Variants in H2AC13 observed in about 807,000 individuals in gnomAD.
H2AC13 encodes H2A clustered histone 13.
H2AC13 carries 3 observed loss-of-function variants against 5.9 expected under a neutral mutation model. The ratio of observed to expected loss-of-function variants is 0.50; its 90% CI spans 0.23 to 1.30. The LOEUF is 1.30. Among genes scored for constraint, H2AC13 ranks in the 50% most tolerant of loss-of-function variants. The pLI, the probability that H2AC13 is intolerant of heterozygous loss-of-function variation, is 0.18. For missense variants in H2AC13, 123 were observed against 179.1 expected, an observed-to-expected ratio of 0.69 and a Z score of 1.79; for synonymous variants, 96 against 82.4, an observed-to-expected ratio of 1.17 and a Z score of -0.90.
At position 27,808,274 on chromosome 6, in the gene H2AC13, C is replaced by T. The variant is rs772130371; in HGVS notation, c.65C>T (p.Ala22Val). Reference sequence around the variant, plus strand: ...AAGGCCAAGACCCGCTCTTCTCGGGCCGGGCTTCAGTTTCCCGTAGGCCGA... The same window carrying T: ...AAGGCCAAGACCCGCTCTTCTCGGGTCGGGCTTCAGTTTCCCGTAGGCCGA... ...RAKAKTRSSR[A>V]GLQFPVGRVH... is the part of the protein sequence containing the mutation. Residue 22 changes from alanine to valine, a missense_variant, in exon 1 of 1, where the codon GCC (alanine) becomes GTC (valine). Around this residue, in one of 3 missense-constraint regions of H2AC13, gnomAD observed 72 missense variants for 134.3 expected, o/e 0.54. Coordinates refer to ENST00000358739, the MANE Select transcript of H2AC13 (RefSeq NM_003509.3). 6.4e-7 allele frequency: 1 copy of T among 1,562,686 alleles called. No homozygotes were observed. The highest frequency in any genetic ancestry group is 1.4e-5 in the African/African-American group (1 of 73,242).
rs745528010 is a variant in H2AC13 at position 27,808,632 on chromosome 6, C to A, written c.*30C>A. On this transcript the variant is annotated 3_prime_UTR_variant, in exon 1 of 1. Transcript: ENST00000358739. ...CTGGATTAGTTTGCAGCAACTCAAT[C>A]CCAAAGGAACCAAAGGCTCTTTTCA... 1 of 1,590,212 alleles carries A rather than the reference C, an allele frequency of 6.3e-7. No individual in the cohort carries two copies. The highest frequency in any genetic ancestry group is 2.2e-5 in the East Asian group (1 of 44,660).
At position 27,808,362 on chromosome 6, in the gene H2AC13, C is replaced by T. The variant is rs776814914; in HGVS notation, c.153C>T (p.Tyr51=). Residue 51 remains tyrosine (Y), a synonymous_variant, in exon 1 of 1, where the codon TAC becomes TAT. Transcript: ENST00000358739. The part of the protein sequence containing the change: ...AERVGAGAPV[Y]LAAVLEYLTA... ...GGGTCGGTGCTGGAGCGCCGGTGTA[C>T]CTGGCGGCGGTGCTGGAGTACCTGA... 1.9e-6 allele frequency: 3 copies of T among 1,600,376 alleles called. No homozygotes were observed. The highest frequency in any genetic ancestry group is 2.2e-5 in the South Asian group (2 of 89,752).
Position 27,808,363 on chromosome 6 carries a change from C to T in H2AC13, c.154C>T (p.Leu52=). Reference sequence around the variant, plus strand: ...GGTCGGTGCTGGAGCGCCGGTGTACCTGGCGGCGGTGCTGGAGTACCTGAC... The same window carrying T: ...GGTCGGTGCTGGAGCGCCGGTGTACTTGGCGGCGGTGCTGGAGTACCTGAC... ...ERVGAGAPVY[L]AAVLEYLTAE... The change falls in exon 1 of 1, where the codon CTG becomes TTG. Residue 52 remains leucine, a synonymous_variant. Transcript: ENST00000358739. The T allele has an allele frequency of 1.9e-6, 3 of 1,600,656 alleles. No individual in the cohort carries two copies. The highest frequency in any genetic ancestry group is 2.2e-5 in the East Asian group (1 of 44,670).
chr6:27,808,656 C>A lies in H2AC13; in HGVS notation c.*54C>A. On this transcript the variant is annotated 3_prime_UTR_variant, in exon 1 of 1. Coordinates refer to ENST00000358739, the MANE Select transcript of H2AC13 (RefSeq NM_003509.3). Reference sequence around the variant, plus strand: ...TCCCAAAGGAACCAAAGGCTCTTTTCAGAGCCACCTACAATTTTGTGGAAG... The same window carrying A: ...TCCCAAAGGAACCAAAGGCTCTTTTAAGAGCCACCTACAATTTTGTGGAAG... The A allele has an allele frequency of 6.4e-7, 1 of 1,559,716 alleles. No homozygotes were observed. The highest frequency in any genetic ancestry group is 8.7e-7 in the Non-Finnish European group (1 of 1,154,944).
Position 27,808,658 on chromosome 6 carries a change from G to GAGA in H2AC13, c.*58_*59insAAG. ...CCAAAGGAACCAAAGGCTCTTTTCA[G>GAGA]AGCCACCTACAATTTTGTGGAAGAA... is the stretch of plus-strand genomic sequence containing the variant. On this transcript the variant is annotated 3_prime_UTR_variant, in exon 1 of 1. Transcript: ENST00000358739. 1.3e-6 allele frequency: 2 copies of GAGA among 1,559,168 alleles called. No individual in the cohort carries two copies. The highest frequency in any genetic ancestry group is 1.7e-6 in the Non-Finnish European group (2 of 1,155,050).
chr6:27,808,457 A>C lies in H2AC13; in HGVS notation c.248A>C (p.His83Pro), dbSNP rs1581456838. 1 of 1,613,232 alleles carries C rather than the reference A, an allele frequency of 6.2e-7. No homozygotes were observed. Among genetic ancestry groups the C allele is most frequent in the Non-Finnish European group, 8.5e-7 (1 of 1,179,398 alleles). ...DNKKTRIIPR[H>P]LQLAIRNDEE... ...AAGAAGACTCGCATCATCCCGCGTC[A>C]CCTCCAGCTGGCCATCCGCAACGAT... is the stretch of plus-strand genomic sequence containing the variant. Residue 83 changes from histidine (H) to proline (P), a missense_variant, in exon 1 of 1, where the codon CAC becomes CCC. Transcript: ENST00000358739.
rs1273171098 is a variant in H2AC13 at position 27,808,221 on chromosome 6, TG to T, written c.14del (p.Gly5AlafsTer24). The T allele has an allele frequency of 1.3e-6, 2 of 1,583,350 alleles. No homozygotes were observed. Among genetic ancestry groups the T allele is most frequent in the Non-Finnish European group, 1.7e-6 (2 of 1,165,792 alleles). On this transcript the variant is annotated frameshift_variant, in exon 1 of 1. Coordinates refer to ENST00000358739, the MANE Select transcript of H2AC13 (RefSeq NM_003509.3). LOFTEE classifies it high-confidence loss of function. ...ATAGGCCTTTTGCCATGTCTGGGCGTGGCAAGCAGGGAGGCAAAGCTCGCGC... is the reference window on the plus strand; with the variant it reads ...ATAGGCCTTTTGCCATGTCTGGGCGTGCAAGCAGGGAGGCAAAGCTCGCGC... MSGR[G>X]KQGGKARAKA...
rs750015760 is a variant in H2AC13, at chr6:27,808,322, G to A, written c.113G>A (p.Gly38Asp). The A allele has an allele frequency of 1.5e-5, 24 of 1,576,440 alleles. No individual in the cohort carries two copies. Among genetic ancestry groups the A allele is most frequent in the East Asian group, 4.5e-5 (2 of 44,496 alleles). ...VGRVHRLLRK[G>D]NYAERVGAGA... ...CGAGTGCATCGCCTGCTCCGCAAAG[G>A]CAACTATGCGGAGCGGGTCGGTGCT... is the stretch of plus-strand genomic sequence containing the variant. Residue 38 changes from glycine to aspartate, a missense_variant, in exon 1 of 1, where the codon GGC (glycine) becomes GAC (aspartate). This residue lies in a region of H2AC13 where 72 missense variants were observed against 134.3 expected (regional missense o/e 0.54). Coordinates refer to ENST00000358739, the MANE Select transcript of H2AC13 (RefSeq NM_003509.3).
In H2AC13 at chr6:27,808,554, G is replaced by C; in HGVS notation, c.345G>C (p.Val115=). The change falls in exon 1 of 1, where the codon GTG becomes GTC. Residue 115 remains valine (V), a synonymous_variant. Transcript: ENST00000358739. ...GCGTCCTGCCCAACATCCAGGCCGT[G>C]CTACTGCCCAAGAAGACCGAGAGCC... ...QGGVLPNIQA[V]LLPKKTESHH... is the part of the protein sequence containing the mutation. The C allele has an allele frequency of 6.2e-7, 1 of 1,614,248 alleles. No individual in the cohort carries two copies. The highest frequency in any genetic ancestry group is 8.5e-7 in the Non-Finnish European group (1 of 1,180,034).
rs1434394422 is a variant in H2AC13 at position 27,808,514 on chromosome 6, C to T, written c.305C>T (p.Thr102Ile). 3.1e-6 allele frequency: 5 copies of T among 1,614,174 alleles called. No homozygotes were observed. Among genetic ancestry groups the T allele is most frequent in the Admixed American group, 1.7e-5 (1 of 60,028 alleles). The change falls in exon 1 of 1, where the codon ACC becomes ATC. Residue 102 changes from threonine to isoleucine, a missense_variant. Transcript: ENST00000358739. ...CTCAACAAGCTTCTGGGCAAAGTCA[C>T]CATCGCACAGGGTGGCGTCCTGCCC... The part of the protein sequence containing the change: ...EELNKLLGKV[T>I]IAQGGVLPNI...
At position 27,808,525 on chromosome 6, in the gene H2AC13, G is replaced by A; in HGVS notation, c.316G>A (p.Gly106Ser). 1 of 1,614,206 alleles carries A rather than the reference G, an allele frequency of 6.2e-7. No homozygotes were observed. Residue 106 changes from glycine (G) to serine (S), a missense_variant, in exon 1 of 1, where the codon GGT becomes AGT. By Grantham distance (56) the Gly-to-Ser change is moderately conservative (BLOSUM62 0). Around this residue, in one of 3 missense-constraint regions of H2AC13, gnomAD observed 72 missense variants for 134.3 expected, o/e 0.54. Coordinates refer to ENST00000358739, the MANE Select transcript of H2AC13 (RefSeq NM_003509.3). ...KLLGKVTIAQGGVLPNIQAVL... is the reference protein window; with the variant it reads ...KLLGKVTIAQSGVLPNIQAVL... ...TCTGGGCAAAGTCACCATCGCACAG[G>A]GTGGCGTCCTGCCCAACATCCAGGC...
rs1215183811 is a variant in H2AC13 at position 27,808,243 on chromosome 6, C to G, written c.34C>G (p.Arg12Gly). 3.8e-6 allele frequency: 6 copies of G among 1,579,320 alleles called. No homozygotes were observed. Among genetic ancestry groups the G allele is most frequent in the South Asian group, 1.2e-5 (1 of 85,634 alleles). ...SGRGKQGGKA[R>G]AKAKTRSSRA... ...GCGTGGCAAGCAGGGAGGCAAAGCT[C>G]GCGCCAAGGCCAAGACCCGCTCTTC... Residue 12 changes from arginine to glycine, a missense_variant, in exon 1 of 1, where the codon CGC becomes GGC. Transcript: ENST00000358739.
rs200353027 is a variant in H2AC13 at position 27,808,575 on chromosome 6, G to C, written c.366G>C (p.Glu122Asp). 177 of 1,613,982 alleles carry C rather than the reference G, an allele frequency of 1.1e-4. No homozygotes were observed. Among genetic ancestry groups the C allele is most frequent in the Non-Finnish European group, 1.4e-4 (167 of 1,179,934 alleles). ...IQAVLLPKKTESHHKAKGK is the reference protein window; with the variant it reads ...IQAVLLPKKTDSHHKAKGK ...CCGTGCTACTGCCCAAGAAGACCGA[G>C]AGCCACCACAAGGCGAAGGGCAAGT... The change falls in exon 1 of 1, where the codon GAG (glutamate) becomes GAC (aspartate). Residue 122 changes from glutamate to aspartate, a missense_variant. By Grantham distance (45) the Glu-to-Asp change is conservative (BLOSUM62 2). This residue lies in a region of H2AC13 where 18 missense variants were observed against 16.1 expected (regional missense o/e 1.12). Transcript: ENST00000358739.
chr6:27,808,633 C>A lies in H2AC13; in HGVS notation c.*31C>A, dbSNP rs1406280989. The A allele has an allele frequency of 6.3e-7, 1 of 1,583,870 alleles. No individual in the cohort carries two copies. The highest frequency in any genetic ancestry group is 1.4e-5 in the African/African-American group (1 of 73,710). The stretch of plus-strand genomic sequence containing the variant: ...TGGATTAGTTTGCAGCAACTCAATC[C>A]CAAAGGAACCAAAGGCTCTTTTCAG... On this transcript the variant is annotated 3_prime_UTR_variant, in exon 1 of 1. Transcript: ENST00000358739.
Position 27,808,467 on chromosome 6 carries a change from G to C in H2AC13, c.258G>C (p.Leu86=), listed in dbSNP as rs372975459. 8.2e-5 allele frequency: 132 copies of C among 1,613,640 alleles called. No individual in the cohort carries two copies. The highest frequency in any genetic ancestry group is 1.1e-4 in the Non-Finnish European group (124 of 1,179,806). ...GCATCATCCCGCGTCACCTCCAGCT[G>C]GCCATCCGCAACGATGAGGAGCTCA... ...KTRIIPRHLQ[L]AIRNDEELNK... Residue 86 remains leucine (L), a synonymous_variant, in exon 1 of 1, where the codon CTG becomes CTC. Transcript: ENST00000358739.
In H2AC13 at chr6:27,808,184, A is replaced by C; in HGVS notation, c.-26A>C. On this transcript the variant is annotated 5_prime_UTR_variant, in exon 1 of 1. Coordinates refer to ENST00000358739, the MANE Select transcript of H2AC13 (RefSeq NM_003509.3). ...TCTAGTTTCACTTCAGTCTTTCTTG[A>C]CCGTATAGATAATAGGCCTTTTGCC... 1.9e-6 allele frequency: 3 copies of C among 1,540,200 alleles called. No individual in the cohort carries two copies. The highest frequency in any genetic ancestry group is 8.7e-7 in the Non-Finnish European group (1 of 1,148,406).
Position 27,808,251 on chromosome 6 carries a change from G to A in H2AC13, c.42G>A (p.Lys14=), listed in dbSNP as rs745311713. The A allele has an allele frequency of 4.4e-6, 7 of 1,577,858 alleles. No individual in the cohort carries two copies. Among genetic ancestry groups the A allele is most frequent in the Middle Eastern group, 1.7e-4 (1 of 5,884 alleles). Residue 14 remains lysine (K), a synonymous_variant, in exon 1 of 1, where the codon AAG becomes AAA. Coordinates refer to ENST00000358739, the MANE Select transcript of H2AC13 (RefSeq NM_003509.3). The part of the protein sequence containing the change: ...RGKQGGKARA[K]AKTRSSRAGL... ...AGCAGGGAGGCAAAGCTCGCGCCAAGGCCAAGACCCGCTCTTCTCGGGCCG... is the reference window on the plus strand; with the variant it reads ...AGCAGGGAGGCAAAGCTCGCGCCAAAGCCAAGACCCGCTCTTCTCGGGCCG...
chr6:27,808,655 T>G lies in H2AC13; in HGVS notation c.*53T>G. The G allele has an allele frequency of 6.4e-7, 1 of 1,560,526 alleles. No individual in the cohort carries two copies. Among genetic ancestry groups the G allele is most frequent in the South Asian group, 1.2e-5 (1 of 82,672 alleles). ...ATCCCAAAGGAACCAAAGGCTCTTT[T>G]CAGAGCCACCTACAATTTTGTGGAA... is the stretch of plus-strand genomic sequence containing the variant. On this transcript the variant is annotated 3_prime_UTR_variant, in exon 1 of 1. Transcript: ENST00000358739.
chr6:27,808,193 A>G lies in H2AC13; in HGVS notation c.-17A>G, dbSNP rs763166237. On this transcript the variant is annotated 5_prime_UTR_variant, in exon 1 of 1. Transcript: ENST00000358739. ...ACTTCAGTCTTTCTTGACCGTATAG[A>G]TAATAGGCCTTTTGCCATGTCTGGG... 62 of 1,555,596 alleles carry G rather than the reference A, an allele frequency of 4.0e-5. No individual in the cohort carries two copies. The highest frequency in any genetic ancestry group is 2.9e-4 in the African/African-American group (21 of 72,836).
Sources: allele counts gnomAD v4.1 joint callset, GRCh38; gene constraint gnomAD v4.1.1; regional missense constraint gnomAD v4.1.1; transcripts MANE v1.5; gene names NCBI Gene and HGNC (gene_info 2026-07-23, HGNC 2026-07-21).